CCSER1: variants seen among roughly 807,000 people sequenced by gnomAD.
CCSER1 encodes coiled-coil serine rich protein 1, also known as serine-rich coiled-coil domain-containing protein 1.
Under a neutral mutation model 82.0 loss-of-function variants are expected in CCSER1, and 41 were observed. That is an observed-to-expected ratio of 0.50 (90% CI 0.39 to 0.65). The LOEUF (loss-of-function observed/expected upper bound fraction) is 0.65. Ranked by LOEUF, CCSER1 falls within the 30% of genes least tolerant of loss-of-function variation. CCSER1 has a pLI of 0.00. For missense variants in CCSER1, 1,119 were observed against 1,064.2 expected (o/e 1.05, Z -0.72); for synonymous variants, 414 against 383.9 (o/e 1.08, Z -0.92).
chr4:91,323,979 T>C (rs537705038), intron 10 of CCSER1, among the ~76,000 whole-genome samples: 9 of 152,332 alleles, frequency 5.9e-5, no homozygotes, highest in African/African-American at 2.2e-4. Flanking sequence ...AGTGGACTTT[T>C]GGTAAACATT....
intron 8 of CCSER1, among the ~76,000 whole-genome samples, chr4:90,867,059 C>T (rs1224943739): frequency 1.3e-5 from 2 of 151,976 alleles, no homozygotes; most frequent in Admixed American, 6.6e-5. Flanking sequence ...TAATCTAGGG[C>T]GTTTAATTAG....
At chr4:90,650,798 T>C (rs1179643838) in intron 6 of CCSER1, among the ~76,000 whole-genome samples, 6 of 152,234 alleles carry the variant, frequency 3.9e-5, no homozygotes, top group Admixed American at 1.3e-4. Context: ...TTCTGTAAAA[T>C]CTTTTCTTCC....
chr4:90,600,277 G>C (rs1416081540), intron 5 of CCSER1, among the ~76,000 whole-genome samples: 1 of 152,098 alleles, frequency 6.6e-6, no homozygotes, highest in Non-Finnish European at 1.5e-5. Flanking sequence ...CTTCCAAACT[G>C]TTTTCAAACA....
In CCSER1 at chr4:91,428,097, A is replaced by G. The variant is rs561454126; in HGVS notation, c.2218-170475A>G. On this transcript the variant is annotated intron_variant, in intron 10 of 10. Coordinates refer to ENST00000509176, the MANE Select transcript of CCSER1 (RefSeq NM_001145065.2). ...TTGGTAATACTTGACACCTGATAAG[A>G]TTTTGTTTATCTTGTTATAAAAAAT... Among the ~76,000 whole-genome samples the G allele has an allele frequency of 9.2e-5, 14 of 152,138 alleles. 1 individual carries two copies. In the South Asian group the frequency reaches 2.9e-3, roughly 31 times the overall value.
intron 4 of CCSER1, among the ~76,000 whole-genome samples, chr4:90,432,380 C>T (rs1758395001): frequency 6.6e-6 from 1 of 152,160 alleles, no homozygotes; most frequent in South Asian, 2.1e-4. Flanking sequence ...TCAGCCACAA[C>T]TCTTTGTGAA....
At chr4:91,557,820 T>G (rs1762473211) in intron 10 of CCSER1, among the ~76,000 whole-genome samples, 1 of 151,440 alleles carries the variant, frequency 6.6e-6, no homozygotes, top group Non-Finnish European at 1.5e-5. Context: ...AGTTGTTATA[T>G]TAATATTTTC....
chr4:90,708,263 T>G (rs1044493822), intron 6 of CCSER1, among the ~76,000 whole-genome samples: 1 of 152,220 alleles, frequency 6.6e-6, no homozygotes, highest in African/African-American at 2.4e-5. Context: ...TTAAACCTTC[T>G]TATGATCTGA....
At chr4:90,184,455 A>G (rs1241094330) in intron 1 of CCSER1, among the ~76,000 whole-genome samples, 2 of 152,144 alleles carry the variant, frequency 1.3e-5, no homozygotes, top group Non-Finnish European at 2.9e-5. Context: ...CCATTAAAAA[A>G]TATTGCTGGA....
At chr4:91,127,462 G>C (rs1359167324) in intron 10 of CCSER1, among the ~76,000 whole-genome samples, 1 of 152,028 alleles carries the variant, frequency 6.6e-6, no homozygotes, top group African/African-American at 2.4e-5. Flanking sequence ...CATTCACACA[G>C]AGATCAATTT....
chr4:90,767,016 T>C (rs1751350018), intron 7 of CCSER1, among the ~76,000 whole-genome samples: 1 of 152,182 alleles, frequency 6.6e-6, no homozygotes, highest in Non-Finnish European at 1.5e-5. Flanking sequence ...AAGCTGAATG[T>C]CACTTATCTG....
chr4:91,148,373 C>T (rs971371933), intron 10 of CCSER1, among the ~76,000 whole-genome samples: 2 of 152,008 alleles, frequency 1.3e-5, no homozygotes, highest in African/African-American at 2.4e-5. Flanking sequence ...ATGAGACAAA[C>T]GGACTTGATT....
intron 10 of CCSER1, among the ~76,000 whole-genome samples, chr4:91,549,718 C>T (rs1227334314): frequency 2.0e-5 from 3 of 152,036 alleles, no homozygotes; most frequent in Admixed American, 6.6e-5. Flanking sequence ...GCCTGTAATC[C>T]CAGCTACTTG....
intron 8 of CCSER1, among the ~76,000 whole-genome samples, chr4:90,900,671 C>G (rs997979261): frequency 6.6e-6 from 1 of 151,732 alleles, no homozygotes; most frequent in African/African-American, 2.4e-5. Flanking sequence ...CTTGATATGA[C>G]TTTGATTTCT....
Position 90,317,977 on chromosome 4 carries a change from T to A in CCSER1, c.1509+4930T>A, listed in dbSNP as rs74512729. On this transcript the variant is annotated intron_variant, in intron 3 of 10. Transcript: ENST00000509176. The stretch of plus-strand genomic sequence containing the variant: ...GTTTCCTGTATCTAGAGGCGGAGAC[T>A]TAGGTTTGGTGAACACTTAATGACT... 6.7e-3 allele frequency among the ~76,000 whole-genome samples: 1,023 copies of A among 152,298 alleles called. 17 individuals carry two copies. The highest frequency in any genetic ancestry group is 0.041 in the East Asian group (210 of 5,174).
chr4:90,948,793 CA>C (rs147388992), intron 9 of CCSER1, among the ~76,000 whole-genome samples: 5,315 of 151,970 alleles, frequency 0.035, 223 homozygotes, highest in African/African-American at 0.1. Context: ...TCATGATTCA[CA>C]TGAATTCACA....
At chr4:90,485,449 A>G (rs1766872658) in intron 5 of CCSER1, among the ~76,000 whole-genome samples, 2 of 151,302 alleles carry the variant, frequency 1.3e-5, no homozygotes, top group Admixed American at 1.3e-4. Context: ...GCAGAAATCA[A>G]CTGTATTCTG....
At chr4:90,511,199 C>G (rs1771441647) in intron 5 of CCSER1, among the ~76,000 whole-genome samples, 1 of 152,104 alleles carries the variant, frequency 6.6e-6, no homozygotes. Flanking sequence ...GCAAGCAGAT[C>G]ATGAGGTCAA....
chr4:90,491,304 A>G (rs898971458), intron 5 of CCSER1, among the ~76,000 whole-genome samples: 1 of 152,048 alleles, frequency 6.6e-6, no homozygotes, highest in African/African-American at 2.4e-5. Context: ...TTCACTCATG[A>G]TTTGGCTCTC....
chr4:90,331,414 T>C (rs1033572713), intron 3 of CCSER1, among the ~76,000 whole-genome samples: 1 of 152,188 alleles, frequency 6.6e-6, no homozygotes, highest in East Asian at 1.9e-4. Flanking sequence ...GGGGATGACA[T>C]AGTCAACAGG....
Sources: gnomAD v4.1 joint callset for allele counts (sites outside exome capture counted in the v4.1 genomes callset) on GRCh38, gnomAD v4.1.1 for gene constraint, MANE v1.5 for transcripts, NCBI Gene and HGNC (gene_info 2026-07-23, HGNC 2026-07-21) for gene names.